Variants in PPARGC1B observed in about 807,000 individuals in gnomAD.
PPARGC1B encodes the protein peroxisome proliferator-activated receptor gamma coactivator 1-beta.
Under a neutral mutation model 101.6 loss-of-function variants are expected in PPARGC1B, and 34 were observed. That is an observed-to-expected ratio of 0.33 (90% CI 0.25 to 0.45). The LOEUF (loss-of-function observed/expected upper bound fraction) is 0.45. Among genes scored for constraint, PPARGC1B ranks in the 20% least tolerant of loss-of-function variants. The pLI, the probability that PPARGC1B is intolerant of heterozygous loss-of-function variation, is 1.00. For synonymous variants in PPARGC1B, 548 were observed against 539.3 expected (o/e 1.02, Z -0.22); for missense variants, 1,234 against 1,317.6 (o/e 0.94, Z 0.98).
At position 149,772,603 on chromosome 5, in the gene PPARGC1B, G is replaced by T. The variant is rs190795952; in HGVS notation, c.78+42183G>T. Among the ~76,000 whole-genome samples the T allele has an allele frequency of 4.6e-5, 7 of 152,260 alleles. No homozygotes were observed. The East Asian group carries it at 1.3e-3, about 29-fold the overall frequency. ...GGGCATCTTTCCCCTGTGAGTTCAC[G>T]TGGTCTTTGGTCTGTGTGTGCCTGT... On this transcript the variant is annotated intron_variant, in intron 1 of 11. Transcript: ENST00000309241.
chr5:149,790,156 T>A (rs1756962279), intron 1 of PPARGC1B, among the ~76,000 whole-genome samples: 1 of 152,186 alleles, frequency 6.6e-6, no homozygotes, highest in Non-Finnish European at 1.5e-5. Flanking sequence ...ACTTAAGGGA[T>A]ATGCTTGGTA....
intron 1 of PPARGC1B, among the ~76,000 whole-genome samples, chr5:149,758,898 A>T (rs951727345): frequency 6.6e-6 from 1 of 152,220 alleles, no homozygotes; most frequent in Non-Finnish European, 1.5e-5. Context: ...GGTGGTTCAT[A>T]TAATCATATC....
At position 149,848,290 on chromosome 5, in the gene PPARGC1B, G is replaced by C. The variant is rs1174964668; in HGVS notation, c.*732G>C. 6.6e-6 allele frequency: 1 copy of C among 152,302 alleles called. No individual in the cohort carries two copies. The allele number at this position is 152,302 out of a possible 1,614,324, so 9.4% of individuals were successfully genotyped here. On this transcript the variant is annotated 3_prime_UTR_variant, in exon 12 of 12. Transcript: ENST00000309241. ...TGCCCAGCTCATGCTCCAAGTGTGT[G>C]TCTATCCATTTGTACTCAGACTCTT...
chr5:149,820,879 T>C (rs549848186), intron 2 of PPARGC1B, among the ~76,000 whole-genome samples: 2 of 152,296 alleles, frequency 1.3e-5, no homozygotes, highest in Admixed American at 6.5e-5. Context: ...AGCCCCTTCG[T>C]GTGCCACAGA....
intron 1 of PPARGC1B, among the ~76,000 whole-genome samples, chr5:149,801,875 G>A (rs980482904): frequency 3.9e-5 from 6 of 152,200 alleles, no homozygotes; most frequent in Admixed American, 2.6e-4. Context: ...AAGGACTCTT[G>A]TGTAGTAATC....
At chr5:149,798,686 C>T (rs912079247) in intron 1 of PPARGC1B, among the ~76,000 whole-genome samples, 1 of 152,210 alleles carries the variant, frequency 6.6e-6, no homozygotes, top group African/African-American at 2.4e-5. Context: ...TGGTATGGCT[C>T]AGATGACCAG....
At chr5:149,780,233 G>A (rs1318136979) in intron 1 of PPARGC1B, among the ~76,000 whole-genome samples, 3 of 152,232 alleles carry the variant, frequency 2.0e-5, no homozygotes, top group African/African-American at 7.2e-5. Context: ...AGCAGCCAGA[G>A]CCCCGTGTGA....
intron 1 of PPARGC1B, among the ~76,000 whole-genome samples, chr5:149,796,170 T>G (rs1757208249): frequency 6.6e-6 from 1 of 152,080 alleles, no homozygotes; most frequent in Non-Finnish European, 1.5e-5. Flanking sequence ...ATGGAGAGTG[T>G]GACGGAGTAG....
rs1262404598 is a variant in PPARGC1B, at chr5:149,834,724, A to C, written c.1742+14A>C. On this transcript the variant is annotated intron_variant, in intron 6 of 11. Transcript: ENST00000309241. Reference sequence around the variant, plus strand: ...CTTGTCACAAAGGTAGATTTTTAGAAATTATTGGTGTATTGTTCCATGAGA... The same window carrying C: ...CTTGTCACAAAGGTAGATTTTTAGACATTATTGGTGTATTGTTCCATGAGA... 6.2e-7 allele frequency: 1 copy of C among 1,608,888 alleles called. No individual in the cohort carries two copies. The highest frequency in any genetic ancestry group is 2.2e-5 in the East Asian group (1 of 44,840).
At position 149,751,481 on chromosome 5, in the gene PPARGC1B, G is replaced by A. The variant is rs570295458; in HGVS notation, c.78+21061G>A. On this transcript the variant is annotated intron_variant, in intron 1 of 11. Transcript: ENST00000309241. ...AGCACTTTGGGAGGCCAAGGCGGGC[G>A]GATCACCTGAGGTCAGGAGTTCAAG... 4.0e-4 allele frequency among the ~76,000 whole-genome samples: 61 copies of A among 152,186 alleles called. No homozygotes were observed. The South Asian group carries it at 0.011, about 27-fold the overall frequency.
intron 1 of PPARGC1B, among the ~76,000 whole-genome samples, chr5:149,744,489 G>T (rs1328930966): frequency 6.6e-6 from 1 of 152,172 alleles, no homozygotes; most frequent in African/African-American, 2.4e-5. Flanking sequence ...AAAGCTCATT[G>T]GTGAAGACAG....
chr5:149,826,816 A>C lies in PPARGC1B; in HGVS notation c.396A>C (p.Ser132=), dbSNP rs771960761. ...GCACCTCAGCTTCGCCTGCCCCCTCATCTGCACCCCCCAGCCCTGCCCCGG... is the reference window on the plus strand; with the variant it reads ...GCACCTCAGCTTCGCCTGCCCCCTCCTCTGCACCCCCCAGCCCTGCCCCGG... ...LSCTSASPAP[S]SAPPSPAPEK... Residue 132 remains serine, a synonymous_variant, in exon 3 of 12, where the codon TCA becomes TCC. Coordinates refer to ENST00000309241, the MANE Select transcript of PPARGC1B (RefSeq NM_133263.4). 1 of 1,613,624 alleles carries C rather than the reference A, an allele frequency of 6.2e-7. No homozygotes were observed. Among genetic ancestry groups the C allele is most frequent in the Non-Finnish European group, 8.5e-7 (1 of 1,179,770 alleles).
At chr5:149,738,841 C>T (rs1186829265) in intron 1 of PPARGC1B, among the ~76,000 whole-genome samples, 1 of 152,200 alleles carries the variant, frequency 6.6e-6, no homozygotes, top group South Asian at 2.1e-4. Flanking sequence ...GTGATCCGCT[C>T]GCCTCGGCCT....
Position 149,849,667 on chromosome 5 carries a change from A to C in PPARGC1B, c.*2109A>C, listed in dbSNP as rs1403604924. The C allele has an allele frequency of 6.6e-6, 1 of 152,162 alleles. No individual in the cohort carries two copies. The highest frequency in any genetic ancestry group is 1.5e-5 in the Non-Finnish European group (1 of 68,038). The allele number at this position is 152,162 out of a possible 1,614,324, so 9.4% of individuals were successfully genotyped here. A position where few individuals can be genotyped will look rare whatever the true frequency, so the allele number is the denominator to read the frequency against. On this transcript the variant is annotated 3_prime_UTR_variant, in exon 12 of 12. Coordinates refer to ENST00000309241, the MANE Select transcript of PPARGC1B (RefSeq NM_133263.4). ...GTTTCCAACAATCACACAAAACCAT[A>C]TGCTGGCTGGGTTTCATGCTGGCCT...
chr5:149,789,928 G>T (rs1356135263), intron 1 of PPARGC1B, among the ~76,000 whole-genome samples: 1 of 152,162 alleles, frequency 6.6e-6, no homozygotes, highest in African/African-American at 2.4e-5. Flanking sequence ...ACTTTTCCAA[G>T]ACCTTGTGGG....
intron 1 of PPARGC1B, among the ~76,000 whole-genome samples, chr5:149,752,765 G>T (rs1252216230): frequency 2.0e-5 from 3 of 152,318 alleles, no homozygotes; most frequent in Non-Finnish European, 4.4e-5. Flanking sequence ...GGAGACGGAG[G>T]TTGCAGTGAG....
At chr5:149,798,473 C>G (rs1410787924) in intron 1 of PPARGC1B, among the ~76,000 whole-genome samples, 1 of 152,200 alleles carries the variant, frequency 6.6e-6, no homozygotes, top group Non-Finnish European at 1.5e-5. Context: ...GTGTATGCCT[C>G]TGAGTATGTC....
At position 149,845,763 on chromosome 5, in the gene PPARGC1B, C is replaced by G; in HGVS notation, c.2820C>G (p.Gly940=). 6.2e-7 allele frequency: 1 copy of G among 1,607,928 alleles called. No homozygotes were observed. Among genetic ancestry groups the G allele is most frequent in the East Asian group, 2.2e-5 (1 of 44,704 alleles). The change falls in exon 11 of 12, where the codon GGC becomes GGG. Residue 940 remains glycine, a synonymous_variant. Transcript: ENST00000309241. ...TCTCCTTGCTCCCTCCCCGCAGAGG[C>G]GAGAAGTACGGCTTCATCACCTACC... ...ECEVLTRNRR[G]EKYGFITYRC...
chr5:149,831,456 A>G (rs970714817), intron 4 of PPARGC1B, among the ~76,000 whole-genome samples: 31 of 152,196 alleles, frequency 2.0e-4, no homozygotes, highest in African/African-American at 7.2e-4. Context: ...GTTGCATCCA[A>G]TCCTACATCC....
Sources: allele counts gnomAD v4.1 joint callset (sites outside exome capture counted in the v4.1 genomes callset), GRCh38; gene constraint gnomAD v4.1.1; transcripts MANE v1.5; gene names NCBI Gene and HGNC (gene_info 2026-07-23, HGNC 2026-07-21).